The following DIRAS2 variants were observed in gnomAD, a reference collection of about 807,000 sequenced individuals.
The protein encoded by DIRAS2 is GTP-binding protein Di-Ras2.
DIRAS2 carries 5 observed loss-of-function variants against 13.9 expected under a neutral mutation model. The ratio of observed to expected loss-of-function variants is 0.36; its 90% confidence interval spans 0.19 to 0.76. DIRAS2 has a LOEUF of 0.76. Ranked by LOEUF, DIRAS2 falls within the 30% of genes least tolerant of loss-of-function variation. The probability of loss-of-function intolerance (pLI) is 0.53; values close to 1 mark genes in which losing one functional copy is unlikely to be tolerated. For synonymous variants in DIRAS2, 111 were observed against 105.4 expected, an observed-to-expected ratio of 1.05 and a Z score of -0.33; for missense variants, 191 against 263.0, an observed-to-expected ratio of 0.73 and a Z score of 1.89.
intron 1 of DIRAS2, among the ~76,000 whole-genome samples, chr9:90,623,839 A>G (rs1825243836): frequency 6.6e-6 from 1 of 152,242 alleles, no homozygotes; most frequent in Non-Finnish European, 1.5e-5. Flanking sequence ...CAGCTGCTCA[A>G]GACCAACCTG....
rs746989981 is a variant in DIRAS2 at position 90,613,648 on chromosome 9, G to A, written c.180C>T (p.Thr60=). The stretch of plus-strand genomic sequence containing the variant: ...GGAACTGGTGGCTCCCCGTCGTGTC[G>A]GTGATCTGCAATGTGCATATGCTCT... ...CDKSICTLQI[T]DTTGSHQFPA... The change falls in exon 2 of 2, where the codon ACC becomes ACT. Residue 60 remains threonine (T), a synonymous_variant. Coordinates refer to ENST00000375765, the MANE Select transcript of DIRAS2 (RefSeq NM_017594.5). This position sits in a 1 kb window ranked among gnomAD's most constrained non-coding sequence, Gnocchi z 5.6. The A allele has an allele frequency of 1.5e-5, 25 of 1,613,970 alleles. No individual in the cohort carries two copies. Among genetic ancestry groups the A allele is most frequent in the African/African-American group, 2.7e-5 (2 of 74,900 alleles).
chr9:90,629,524 T>G lies in DIRAS2; in HGVS notation c.-37+13228A>C, dbSNP rs1243559811. Among the ~76,000 whole-genome samples, 4 of 142,250 alleles carry G rather than the reference T, an allele frequency of 2.8e-5. No homozygotes were observed. The Admixed American group carries it at 2.8e-4, about 10-fold the overall frequency. The allele number at this position is 142,250 out of a possible 152,430, so 93.3% of individuals were successfully genotyped here. A position where few individuals can be genotyped will look rare whatever the true frequency, so the allele number is the denominator to read the frequency against. On this transcript the variant is annotated intron_variant, in intron 1 of 1. Coordinates refer to ENST00000375765, the MANE Select transcript of DIRAS2 (RefSeq NM_017594.5). The stretch of plus-strand genomic sequence containing the variant: ...TTTCTCAAAATCTTATGGGAAGACA[T>G]ATAGAAAAAAAAAAAACTGCTGACG...
At chr9:90,615,537 T>A (rs369322634) in intron 1 of DIRAS2, among the ~76,000 whole-genome samples, 26 of 152,314 alleles carry the variant, frequency 1.7e-4, no homozygotes, top group African/African-American at 3.6e-4. Flanking sequence ...ACAATTTTTT[T>A]AAAAAAACTC....
chr9:90,638,264 AAG>A (rs1434564187), intron 1 of DIRAS2, among the ~76,000 whole-genome samples: 1 of 152,238 alleles, frequency 6.6e-6, no homozygotes, highest in African/African-American at 2.4e-5. Context: ...AAGAACAAAA[AAG>A]AGAGGCACAA....
At chr9:90,624,523 G>T (rs1327000729) in intron 1 of DIRAS2, among the ~76,000 whole-genome samples, 2 of 152,180 alleles carry the variant, frequency 1.3e-5, no homozygotes, top group African/African-American at 4.8e-5. Context: ...GAAGTCAGTG[G>T]AGATAAATGG....
chr9:90,636,027 CTTTTTTTTTTT>C (rs1172661795), intron 1 of DIRAS2, among the ~76,000 whole-genome samples: 8 of 66,250 alleles, frequency 1.2e-4, no homozygotes, highest in African/African-American at 3.0e-4. Flanking sequence ...ACTGAATATT[CTTTTTTTTTTT>C]TTTTTTTTTT....
rs1825135175 is a variant in DIRAS2 at position 90,613,402 on chromosome 9, T to G, written c.426A>C (p.Thr142=). Residue 142 remains threonine (T), a synonymous_variant, in exon 2 of 2, where the codon ACA becomes ACC. Transcript: ENST00000375765. The surrounding 1 kb of genome is among the most constrained non-coding windows in gnomAD (Gnocchi z 5.6). ...AGGTCTCCATGAAGGCACACTTCCA[T>G]GTGCGGGCCAAGGCCTCCGCCTCGC... ...QSSEAEALAR[T]WKCAFMETSA... is the part of the protein sequence containing the mutation. 1.9e-6 allele frequency: 3 copies of G among 1,614,024 alleles called. No homozygotes were observed. The highest frequency in any genetic ancestry group is 2.5e-6 in the Non-Finnish European group (3 of 1,180,028).
chr9:90,622,316 T>G (rs1278389898), intron 1 of DIRAS2, among the ~76,000 whole-genome samples: 1 of 152,152 alleles, frequency 6.6e-6, no homozygotes, highest in Non-Finnish European at 1.5e-5. Flanking sequence ...TAAAGAACAT[T>G]AATAGGATTC....
chr9:90,612,382 G>A lies in DIRAS2; in HGVS notation c.*846C>T, dbSNP rs1308107710. ...CTAAAAATAGTGAGTTTATTTGCTTGTATTTAAAATCTGAGGGCTGAAAGA... is the reference window on the plus strand; with the variant it reads ...CTAAAAATAGTGAGTTTATTTGCTTATATTTAAAATCTGAGGGCTGAAAGA... On this transcript the variant is annotated 3_prime_UTR_variant, in exon 2 of 2. Coordinates refer to ENST00000375765, the MANE Select transcript of DIRAS2 (RefSeq NM_017594.5). 2 of 152,568 alleles carry A rather than the reference G, an allele frequency of 1.3e-5. No individual in the cohort carries two copies. The highest frequency in any genetic ancestry group is 1.9e-4 in the East Asian group (1 of 5,192). The allele number at this position is 152,568 out of a possible 1,614,324, so 9.5% of individuals were successfully genotyped here.
At chr9:90,619,062 C>T (rs752006700) in intron 1 of DIRAS2, among the ~76,000 whole-genome samples, 3 of 152,130 alleles carry the variant, frequency 2.0e-5, no homozygotes, top group Non-Finnish European at 4.4e-5. Flanking sequence ...TTGCTTGAAC[C>T]TGGGGGGCAG....
chr9:90,628,660 C>A (rs1012254952), intron 1 of DIRAS2, among the ~76,000 whole-genome samples: 13 of 152,006 alleles, frequency 8.6e-5, no homozygotes, highest in Admixed American at 5.2e-4. Flanking sequence ...ATCCTCCCAC[C>A]TTAGCATCCA....
At position 90,613,627 on chromosome 9, in the gene DIRAS2, C is replaced by T. The variant is rs1028030979; in HGVS notation, c.201G>A (p.Gln67=). Residue 67 remains glutamine (Q), a synonymous_variant, in exon 2 of 2, where the codon CAG becomes CAA. Coordinates refer to ENST00000375765, the MANE Select transcript of DIRAS2 (RefSeq NM_017594.5). This position sits in a 1 kb window ranked among gnomAD's most constrained non-coding sequence, Gnocchi z 5.6. The stretch of plus-strand genomic sequence containing the variant: ...TGGACAGCCGCTGCATGGCCGGGAA[C>T]TGGTGGCTCCCCGTCGTGTCGGTGA... ...LQITDTTGSH[Q]FPAMQRLSIS... 3.1e-6 allele frequency: 5 copies of T among 1,614,096 alleles called. No individual in the cohort carries two copies. Among genetic ancestry groups the T allele is most frequent in the Non-Finnish European group, 2.5e-6 (3 of 1,180,058 alleles).
intron 1 of DIRAS2, among the ~76,000 whole-genome samples, chr9:90,624,962 C>G (rs1466466378): frequency 6.6e-6 from 1 of 152,170 alleles, no homozygotes; most frequent in African/African-American, 2.4e-5. Flanking sequence ...CAGAGCCTAA[C>G]TACACTTTGG....
At position 90,613,638 on chromosome 9, in the gene DIRAS2, C is replaced by T; in HGVS notation, c.190G>A (p.Gly64Arg). ...ICTLQITDTT[G>R]SHQFPAMQRL... ...TGCATGGCCGGGAACTGGTGGCTCC[C>T]CGTCGTGTCGGTGATCTGCAATGTG... Residue 64 changes from glycine to arginine, a missense_variant, in exon 2 of 2, where the codon GGG becomes AGG. Coordinates refer to ENST00000375765, the MANE Select transcript of DIRAS2 (RefSeq NM_017594.5). The surrounding 1 kb of genome is among the most constrained non-coding windows in gnomAD (Gnocchi z 5.6). 1 of 1,614,162 alleles carries T rather than the reference C, an allele frequency of 6.2e-7. No individual in the cohort carries two copies. The highest frequency in any genetic ancestry group is 8.5e-7 in the Non-Finnish European group (1 of 1,180,038).
At chr9:90,620,741 CA>C (rs577185569) in intron 1 of DIRAS2, among the ~76,000 whole-genome samples, 84 of 131,916 alleles carry the variant, frequency 6.4e-4, no homozygotes, top group Admixed American at 7.0e-4. Context: ...TCCGCTGTCT[CA>C]AAAAAAAAAA....
At chr9:90,622,353 G>A (rs1173191876) in intron 1 of DIRAS2, among the ~76,000 whole-genome samples, 1 of 152,104 alleles carries the variant, frequency 6.6e-6, no homozygotes, top group Non-Finnish European at 1.5e-5. Flanking sequence ...TGCAGGAGTA[G>A]GTAGTAGGAC....
rs1172661795 is a variant in DIRAS2 at position 90,636,027 on chromosome 9, C to CTTTTTTTT, written c.-37+6717_-37+6724dup. ...AGGATAGAGAATACAACTGAATATTCTTTTTTTTTTTTTTTTTTTTTTTTT... is the reference window on the plus strand; with the variant it reads ...AGGATAGAGAATACAACTGAATATTCTTTTTTTTTTTTTTTTTTTTTTTTTTTTTTTTT... On this transcript the variant is annotated intron_variant, in intron 1 of 1. Transcript: ENST00000375765. Among the ~76,000 whole-genome samples the CTTTTTTTT allele has an allele frequency of 9.1e-4, 60 of 66,260 alleles. 8 individuals carry two copies. The highest frequency in any genetic ancestry group is 2.9e-3 in the East Asian group (5 of 1,742). 43.5% of individuals were successfully genotyped at this position (66,260 alleles called of 152,430 possible). A position where few individuals can be genotyped will look rare whatever the true frequency, so the allele number is the denominator to read the frequency against.
At chr9:90,614,375 A>G (rs1286647820) in intron 1 of DIRAS2, among the ~76,000 whole-genome samples, 2 of 150,116 alleles carry the variant, frequency 1.3e-5, no homozygotes, top group Admixed American at 1.3e-4. Flanking sequence ...GGAGAGGGAG[A>G]TGAATGAGGG....
chr9:90,642,240 G>T (rs1396309985), intron 1 of DIRAS2, among the ~76,000 whole-genome samples: 1 of 152,190 alleles, frequency 6.6e-6, no homozygotes, highest in Middle Eastern at 3.2e-3. Context: ...GAAGCGGAAA[G>T]GAGCACATGT....
Sources: allele counts gnomAD v4.1 joint callset (sites outside exome capture counted in the v4.1 genomes callset), GRCh38; gene constraint gnomAD v4.1.1; non-coding constraint Gnocchi (gnomAD v3.1); transcripts MANE v1.5; gene names NCBI Gene and HGNC (gene_info 2026-07-23, HGNC 2026-07-21).